The following TRHDE variants were observed in gnomAD, a reference collection of about 807,000 sequenced individuals.
The protein encoded by TRHDE is thyrotropin-releasing hormone-degrading ectoenzyme.
A neutral mutation model predicts 125.7 loss-of-function variants in TRHDE; 72 were observed. The ratio of observed to expected loss-of-function variants is 0.57; its 90% CI spans 0.47 to 0.70. The LOEUF (loss-of-function observed/expected upper bound fraction) is 0.70. Ranked by LOEUF, TRHDE falls within the 30% of genes least tolerant of loss-of-function variation. TRHDE has a pLI of 0.00. For missense variants in TRHDE, 1,110 were observed against 1,327.1 expected (o/e 0.84, Z 2.54); for synonymous variants, 509 against 509.1 (o/e 1.00, Z 0.00).
chr12:72,425,763 TTAAC>T (rs1394466740), intron 3 of TRHDE, among the ~76,000 whole-genome samples: 2 of 149,928 alleles, frequency 1.3e-5, no homozygotes, highest in African/African-American at 2.5e-5. Flanking sequence ...AATTAACTAA[TTAAC>T]TAGTTAATTA....
At chr12:72,318,371 G>A (rs1042659236) in intron 2 of TRHDE, among the ~76,000 whole-genome samples, 4 of 152,126 alleles carry the variant, frequency 2.6e-5, no homozygotes, top group African/African-American at 9.7e-5. Context: ...CTTGTAATTG[G>A]TAAAAAGCAA....
chr12:72,428,414 A>G (rs12317964), intron 3 of TRHDE, among the ~76,000 whole-genome samples: 3,435 of 152,190 alleles, frequency 0.023, 126 homozygotes, highest in African/African-American at 0.078. Flanking sequence ...GTATATGTAT[A>G]TATTTATGTA....
At chr12:72,326,554 C>T (rs940945635) in intron 2 of TRHDE, among the ~76,000 whole-genome samples, 3 of 152,032 alleles carry the variant, frequency 2.0e-5, no homozygotes, top group Non-Finnish European at 4.4e-5. Context: ...TATCCCAGAA[C>T]TTAAAGTAAA....
intron 1 of TRHDE, among the ~76,000 whole-genome samples, chr12:72,096,412 T>C (rs548723179): frequency 1.3e-5 from 2 of 152,344 alleles, no homozygotes; most frequent in South Asian, 4.1e-4. Flanking sequence ...AATTAGATTG[T>C]TTCTTCCTCA....
At chr12:72,377,864 A>G (rs1337255717) in intron 2 of TRHDE, 131 bp from the exon 3 acceptor site, 1 of 573,290 alleles carries the variant, frequency 1.7e-6, no homozygotes. Flanking sequence ...GTGCTTTGAT[A>G]TAGTGTATGA....
chr12:72,455,020 C>T (rs1208451097), intron 3 of TRHDE, among the ~76,000 whole-genome samples: 2 of 152,122 alleles, frequency 1.3e-5, no homozygotes, highest in African/African-American at 4.8e-5. Flanking sequence ...CTTTATGATT[C>T]ATTGAACACA....
chr12:72,478,938 A>AAAAC, intron 5 of TRHDE, among the ~76,000 whole-genome samples: 1 of 150,742 alleles, frequency 6.6e-6, no homozygotes, highest in Non-Finnish European at 1.5e-5. Flanking sequence ...AAAAAAAAAA[A>AAAAC]AAACAAAAAC....
chr12:72,654,669 G>A lies in TRHDE; in HGVS notation c.2984+1513G>A, dbSNP rs187219801. Among the ~76,000 whole-genome samples the A allele has an allele frequency of 1.7e-4, 26 of 152,200 alleles. No homozygotes were observed. The East Asian group carries it at 4.7e-3, about 27-fold the overall frequency. On this transcript the variant is annotated intron_variant, in intron 17 of 18. Coordinates refer to ENST00000261180, the MANE Select transcript of TRHDE (RefSeq NM_013381.3). ...TTGTAGCCATCCACCAATTGCTCAA[G>A]CCCAACATCTGGAAGTCTACATAGG... is the stretch of plus-strand genomic sequence containing the variant.
At chr12:72,485,132 C>T (rs1057088992) in intron 5 of TRHDE, among the ~76,000 whole-genome samples, 1 of 152,150 alleles carries the variant, frequency 6.6e-6, no homozygotes, top group Non-Finnish European at 1.5e-5. Flanking sequence ...TTCGTAGGCT[C>T]TGAGCCCAGC....
At chr12:72,644,391 C>G (rs899447939) in intron 15 of TRHDE, among the ~76,000 whole-genome samples, 4 of 152,160 alleles carry the variant, frequency 2.6e-5, no homozygotes, top group Non-Finnish European at 5.9e-5. Flanking sequence ...AAGTCTAGCA[C>G]AATCTAGCCG....
intron 9 of TRHDE, among the ~76,000 whole-genome samples, chr12:72,564,916 T>C (rs1347644609): frequency 6.6e-6 from 1 of 151,966 alleles, no homozygotes; most frequent in Non-Finnish European, 1.5e-5. Flanking sequence ...CCCACCCGCC[T>C]CGGCCTCCCA....
chr12:72,355,130 A>C (rs931883879), intron 2 of TRHDE, among the ~76,000 whole-genome samples: 7 of 151,494 alleles, frequency 4.6e-5, no homozygotes, highest in Non-Finnish European at 1.0e-4. Context: ...CACACAACAA[A>C]AGGGAAGGTG....
At chr12:72,394,936 T>A (rs1446798307) in intron 3 of TRHDE, among the ~76,000 whole-genome samples, 2 of 152,176 alleles carry the variant, frequency 1.3e-5, no homozygotes, top group Non-Finnish European at 2.9e-5. Flanking sequence ...AATTAAAAAA[T>A]TTTACATATG....
chr12:72,310,232 C>A (rs985288385), intron 2 of TRHDE, among the ~76,000 whole-genome samples: 4 of 152,176 alleles, frequency 2.6e-5, no homozygotes, highest in Non-Finnish European at 5.9e-5. Flanking sequence ...ATAATAGTAT[C>A]CACCTCATAG....
chr12:72,456,473 AG>A (rs1405041995), intron 3 of TRHDE, among the ~76,000 whole-genome samples: 2 of 152,140 alleles, frequency 1.3e-5, no homozygotes, highest in Admixed American at 1.3e-4. Flanking sequence ...ATATTTGCAT[AG>A]TATATTAGGA....
chr12:72,315,834 T>C (rs1305744559), intron 2 of TRHDE, among the ~76,000 whole-genome samples: 1 of 152,242 alleles, frequency 6.6e-6, no homozygotes, highest in Admixed American at 6.5e-5. Flanking sequence ...ATTATTGCCA[T>C]GTAGCTTGAT....
At chr12:72,115,076 T>A (rs987032695) in intron 2 of TRHDE, among the ~76,000 whole-genome samples, 1 of 152,142 alleles carries the variant, frequency 6.6e-6, no homozygotes, top group African/African-American at 2.4e-5. Flanking sequence ...TATCCTTTCT[T>A]TGTGTTGCAA....
At chr12:72,591,097 G>C (rs572994189) in intron 12 of TRHDE, among the ~76,000 whole-genome samples, 1 of 152,284 alleles carries the variant, frequency 6.6e-6, no homozygotes, top group South Asian at 2.1e-4. Context: ...AGACTGTGCA[G>C]GGAAGCTGCT....
chr12:72,190,960 CT>C (rs1471551641), intron 2 of TRHDE, among the ~76,000 whole-genome samples: 1 of 152,220 alleles, frequency 6.6e-6, no homozygotes, highest in Non-Finnish European at 1.5e-5. Flanking sequence ...GAAATAGTTA[CT>C]CATTCTGGAT....
Sources: gnomAD v4.1 joint callset for allele counts (sites outside exome capture counted in the v4.1 genomes callset) on GRCh38, gnomAD v4.1.1 for gene constraint, MANE v1.5 for transcripts, NCBI Gene and HGNC (gene_info 2026-07-23, HGNC 2026-07-21) for gene names.